Variants in NMRK2 observed in about 807,000 individuals in gnomAD.
NMRK2 encodes the protein nicotinamide riboside kinase 2, also known as NRK 2.
A neutral mutation model predicts 24.7 loss-of-function variants in NMRK2; 34 were observed. That is an observed-to-expected ratio of 1.37 (90% CI 1.05 to 1.83). NMRK2 has a LOEUF of 1.83. Among genes scored for constraint, NMRK2 ranks in the 40% most tolerant of loss-of-function variants. The pLI is 0.00. For missense variants in NMRK2, 341 were observed against 315.0 expected (o/e 1.08, Z -0.62); for synonymous variants, 145 against 125.6 (o/e 1.15, Z -1.03).
chr19:3,937,370 CCCGGGGTCCGCCCTCCTG>C, intron 4 of NMRK2, 82 bp downstream of exon 4: 1 of 689,682 alleles, frequency 1.4e-6, no homozygotes, highest in Middle Eastern at 2.7e-4. Flanking sequence ...CCACTATTCC[CCCGGGGTCCGCCCTCCTG>C]CAATGCCCGC....
intron 6 of NMRK2, among the ~76,000 whole-genome samples, chr19:3,940,734 CAAAAAA>C (rs752138779): frequency 3.8e-4 from 28 of 74,366 alleles, no homozygotes; most frequent in African/African-American, 8.6e-4. Flanking sequence ...GATTCCATCT[CAAAAAA>C]AAAAAAAAAA....
intron 1 of NMRK2, 129 bp from the exon 2 acceptor site, chr19:3,933,329 A>T: frequency 3.9e-6 from 1 of 255,822 alleles, no homozygotes. Flanking sequence ...GTGGGGGTGG[A>T]GAGGAGGGAG....
intron 2 of NMRK2, among the ~76,000 whole-genome samples, chr19:3,935,002 T>A (rs1359996677): frequency 2.0e-5 from 3 of 152,174 alleles, no homozygotes; most frequent in Admixed American, 2.0e-4. Context: ...CTTTTTATTT[T>A]TATTTAAAAA....
Position 3,933,564 on chromosome 19 carries a change from G to C in NMRK2, c.-108G>C. ...CCTCCAGGCTGCCGAGACCTATAAA[G>C]GCGCCAGGTTTTCTCAATGAAGCCG... On this transcript the variant is annotated 5_prime_UTR_variant, in exon 2 of 8. Transcript: ENST00000168977. The C allele has an allele frequency of 7.2e-7, 1 of 1,379,524 alleles. No homozygotes were observed. Among genetic ancestry groups the C allele is most frequent in the South Asian group, 1.3e-5 (1 of 77,136 alleles). 85.5% of individuals were successfully genotyped at this position (1,379,524 alleles called of 1,614,324 possible).
intron 2 of NMRK2, among the ~76,000 whole-genome samples, chr19:3,934,881 C>G (rs778981212): frequency 3.3e-5 from 5 of 152,028 alleles, no homozygotes; most frequent in Non-Finnish European, 7.4e-5. Flanking sequence ...CCGTGCCCTG[C>G]CCCTAATATT....
chr19:3,940,971 T>A, intron 6 of NMRK2, 100 bp from the exon 7 acceptor site: 1 of 740,654 alleles, frequency 1.4e-6, no homozygotes, highest in Admixed American at 2.3e-5. Context: ...GCTCAGAGGT[T>A]CTGTCCCTGA....
chr19:3,935,560 T>A (rs1405622026), intron 2 of NMRK2, among the ~76,000 whole-genome samples: 1 of 150,314 alleles, frequency 6.7e-6, no homozygotes, highest in African/African-American at 2.5e-5. Context: ...CCAGCTAAAA[T>A]TGTTTATATT....
In NMRK2 at chr19:3,937,251, A is replaced by G; in HGVS notation, c.129A>G (p.Gln43=). 1 of 1,613,326 alleles carries G rather than the reference A, an allele frequency of 6.2e-7. No homozygotes were observed. Among genetic ancestry groups the G allele is most frequent in the Non-Finnish European group, 8.5e-7 (1 of 1,179,544 alleles). ...HQDDFFKPQD[Q]IAVGEDGFKQ... is the part of the protein sequence containing the mutation. ...CTCCTCTGTTTCAGCCCCAAGACCA[A>G]ATAGCAGTTGGGGAAGACGGCTTCA... is the stretch of plus-strand genomic sequence containing the variant. Residue 43 remains glutamine, a synonymous_variant, in exon 4 of 8, where the codon CAA becomes CAG. Coordinates refer to ENST00000168977, the MANE Select transcript of NMRK2 (RefSeq NM_170678.3).
chr19:3,937,130 C>G (rs1041316349), intron 3 of NMRK2, 110 bp from the exon 4 acceptor site: 10 of 1,053,732 alleles, frequency 9.5e-6, no homozygotes, highest in African/African-American at 1.6e-5. Context: ...GCCCCCACGC[C>G]TCAGGGACCT....
At chr19:3,933,754 A>T in intron 2 of NMRK2, 57 bp downstream of exon 2, 1 of 1,367,130 alleles carries the variant, frequency 7.3e-7, no homozygotes, top group South Asian at 1.6e-5. Flanking sequence ...CTGTGCGCGC[A>T]GAGGGGGAGG....
At chr19:3,935,358 C>T (rs900024927) in intron 2 of NMRK2, among the ~76,000 whole-genome samples, 3 of 147,926 alleles carry the variant, frequency 2.0e-5, no homozygotes, top group South Asian at 4.2e-4. Flanking sequence ...TGAGTTCAAG[C>T]GATTATCTTG....
intron 2 of NMRK2, among the ~76,000 whole-genome samples, chr19:3,933,995 C>G (rs2039167758): frequency 6.6e-6 from 1 of 152,124 alleles, no homozygotes; most frequent in African/African-American, 2.4e-5. Flanking sequence ...GGCCTGGAAT[C>G]CTGGCACTTT....
intron 6 of NMRK2, among the ~76,000 whole-genome samples, chr19:3,940,335 CAAAAAAAAAA>C (rs978999079): frequency 1.3e-4 from 4 of 30,996 alleles, no homozygotes; most frequent in East Asian, 1.1e-3. Flanking sequence ...GACTCTGTCT[CAAAAAAAAAA>C]AAAAAAAAAA....
rs16992128 is a variant in NMRK2, at chr19:3,933,126, C to G, written c.-267C>G. 25,637 of 152,360 alleles carry G rather than the reference C, an allele frequency of 0.17. 3,067 individuals are homozygous for G. Among genetic ancestry groups the G allele is most frequent in the African/African-American group, 0.34 (14,128 of 41,308 alleles). 9.4% of individuals were successfully genotyped at this position (152,360 alleles called of 1,614,324 possible). A position where few individuals can be genotyped will look rare whatever the true frequency, so the allele number is the denominator to read the frequency against. On this transcript the variant is annotated 5_prime_UTR_variant, in exon 1 of 8. Coordinates refer to ENST00000168977, the MANE Select transcript of NMRK2 (RefSeq NM_170678.3). Reference sequence around the variant, plus strand: ...CCTTGGCCCTGACCTCGTTGGAAAACGAAGCTCCCCGCAGGGTCCCGGCCT... The same window carrying G: ...CCTTGGCCCTGACCTCGTTGGAAAAGGAAGCTCCCCGCAGGGTCCCGGCCT...
In NMRK2 at chr19:3,939,932, T is replaced by C. The variant is rs1469422977; in HGVS notation, c.356T>C (p.Phe119Ser). Residue 119 changes from phenylalanine (F) to serine (S), a missense_variant, in exon 6 of 8, where the codon TTC (phenylalanine) becomes TCC (serine). Transcript: ENST00000168977. Reference sequence around the variant, plus strand: ...GTGGACTTGTACAGCCGCCGGTACTTCCTGACCGTCCCGTATGAAGAGTGC... The same window carrying C: ...GTGGACTTGTACAGCCGCCGGTACTCCCTGACCGTCCCGTATGAAGAGTGC... ...PLVDLYSRRY[F>S]LTVPYEECKW... 6.2e-7 allele frequency: 1 copy of C among 1,612,266 alleles called. No homozygotes were observed. Among genetic ancestry groups the C allele is most frequent in the Admixed American group, 1.7e-5 (1 of 59,904 alleles).
Position 3,938,825 on chromosome 19 carries a change from T to G in NMRK2, c.323+66T>G, listed in dbSNP as rs1568180788. On this transcript the variant is annotated intron_variant, in intron 5 of 7. Transcript: ENST00000168977. ...TGGGCGGGTATAGCCATCTCTTGTTTTTTTTTTTTTTTTTTTTTGTTTTGT... is the reference window on the plus strand; with the variant it reads ...TGGGCGGGTATAGCCATCTCTTGTTGTTTTTTTTTTTTTTTTTTGTTTTGT... The G allele has an allele frequency of 4.8e-5, 22 of 458,284 alleles. No individual in the cohort carries two copies. In the East Asian group the frequency reaches 5.0e-4, roughly 10 times the overall value. The allele number at this position is 458,284 out of a possible 1,614,324, so 28.4% of individuals were successfully genotyped here. A position where few individuals can be genotyped will look rare whatever the true frequency, so the allele number is the denominator to read the frequency against.
Position 3,938,608 on chromosome 19 carries a change from G to T in NMRK2, c.172G>T (p.Glu58Ter), listed in dbSNP as rs1323187675. The T allele has an allele frequency of 2.5e-6, 4 of 1,583,408 alleles. No homozygotes were observed. Among genetic ancestry groups the T allele is most frequent in the South Asian group, 2.3e-5 (2 of 88,028 alleles). ...GCCTGCTCCCCTTTCCCCAGTGCTG[G>T]AGTCTCTGGACATGGAGGCCATGCT... Reference protein sequence around the residue: ...EDGFKQWDVLESLDMEAMLDT... With the variant: ...EDGFKQWDVL Residue 58 changes from glutamate (E) to a stop codon, truncating the protein, a stop_gained, in exon 5 of 8, where the codon GAG (glutamate) becomes TAG (stop). Transcript: ENST00000168977. LOFTEE classifies it high-confidence loss of function.
intron 6 of NMRK2, 145 bp from the exon 7 acceptor site, chr19:3,940,926 C>A: frequency 1.8e-6 from 1 of 558,072 alleles, no homozygotes; most frequent in Non-Finnish European, 3.2e-6. Context: ...GAGGTTGGAG[C>A]CTCTAGCCCA....
chr19:3,936,090 A>T (rs7251203), intron 2 of NMRK2, among the ~76,000 whole-genome samples: 1 of 151,976 alleles, frequency 6.6e-6, no homozygotes, highest in Non-Finnish European at 1.5e-5. Flanking sequence ...GCACGCCTGT[A>T]ATCCCAGCTA....
Sources: allele counts gnomAD v4.1 joint callset (sites outside exome capture counted in the v4.1 genomes callset), GRCh38; gene constraint gnomAD v4.1.1; transcripts MANE v1.5; gene names NCBI Gene and HGNC (gene_info 2026-07-23, HGNC 2026-07-21).